PCDHGA8: variants seen among roughly 807,000 people sequenced by gnomAD.
PCDHGA8 encodes protocadherin gamma-A8.
In PCDHGA8, 45 loss-of-function variants were observed where a neutral mutation model predicts 59.2. The observed-to-expected ratio is 0.76, with a 90% CI of 0.60 to 0.98. The LOEUF is 0.98. Among genes scored for constraint, PCDHGA8 ranks in the 50% least tolerant of loss-of-function variants. The pLI, the probability that PCDHGA8 is intolerant of heterozygous loss-of-function variation, is 0.00. For synonymous variants in PCDHGA8, 531 were observed against 519.0 expected, an observed-to-expected ratio of 1.02 and a Z score of -0.32; for missense variants, 1,257 against 1,196.2, an observed-to-expected ratio of 1.05 and a Z score of -0.75.
At position 141,432,458 on chromosome 5, in the gene PCDHGA8, C is replaced by T. The variant is rs1368524835; in HGVS notation, c.2424+37221C>T. 1.9e-6 allele frequency: 3 copies of T among 1,614,136 alleles called. No individual in the cohort carries two copies. The highest frequency in any genetic ancestry group is 8.5e-7 in the Non-Finnish European group (1 of 1,180,066). ...TGCGCCCGAGATCCTGTACCCCGCC[C>T]TCCCCACGGACGGTTCCACTGGCGT... On this transcript the variant is annotated intron_variant, in intron 1 of 3. Transcript: ENST00000398604. This position sits in a 1 kb window ranked among gnomAD's most constrained non-coding sequence, Gnocchi z 6.0.
chr5:141,414,909 C>G (rs1230113440), intron 1 of PCDHGA8: 4 of 1,614,220 alleles, frequency 2.5e-6, no homozygotes, highest in Non-Finnish European at 3.4e-6. Context: ...GTTCCACAGG[C>G]GTGGAGCTGG....
chr5:141,457,301 CCAAA>C (rs1163780799), intron 1 of PCDHGA8, among the ~76,000 whole-genome samples: 1 of 152,090 alleles, frequency 6.6e-6, no homozygotes, highest in Non-Finnish European at 1.5e-5. Context: ...TTTTATTTTC[CCAAA>C]CAAAGAAACC....
chr5:141,475,248 C>T (rs1400887912), intron 1 of PCDHGA8, among the ~76,000 whole-genome samples: 2 of 152,166 alleles, frequency 1.3e-5, no homozygotes, highest in African/African-American at 4.8e-5. Context: ...AGAGTGTGCT[C>T]TACAACTGAG....
chr5:141,423,462 C>G, intron 1 of PCDHGA8: 1 of 1,613,924 alleles, frequency 6.2e-7, no homozygotes, highest in Non-Finnish European at 8.5e-7. Flanking sequence ...TAGGCGTGGA[C>G]GGGGTACAGG....
rs775284049 is a variant in PCDHGA8 at position 141,431,448 on chromosome 5, T to C, written c.2424+36211T>C. On this transcript the variant is annotated intron_variant, in intron 1 of 3. Coordinates refer to ENST00000398604, the MANE Select transcript of PCDHGA8 (RefSeq NM_032088.2). The surrounding 1 kb of genome is among the most constrained non-coding windows in gnomAD (Gnocchi z 4.8). ...CGCACAGGCACCGCGCGCATCCGCG[T>C]GATGGTTCTGGATGCGAACGACAAC... 2.5e-6 allele frequency: 4 copies of C among 1,613,706 alleles called. No individual in the cohort carries two copies. The South Asian group carries it at 4.4e-5, about 18-fold the overall frequency.
intron 1 of PCDHGA8, among the ~76,000 whole-genome samples, chr5:141,462,745 TATG>T (rs1249238113): frequency 6.6e-6 from 1 of 152,262 alleles, no homozygotes; most frequent in Non-Finnish European, 1.5e-5. Flanking sequence ...CTGTAATTCC[TATG>T]ATGATTTTCT....
At position 141,477,891 on chromosome 5, in the gene PCDHGA8, G is replaced by A. The variant is rs750359063; in HGVS notation, c.2425-16916G>A. 130 of 1,614,066 alleles carry A rather than the reference G, an allele frequency of 8.1e-5. 1 individual carries two copies. The highest frequency in any genetic ancestry group is 1.1e-4 in the Non-Finnish European group (125 of 1,180,050). On this transcript the variant is annotated intron_variant, in intron 1 of 3. Coordinates refer to ENST00000398604, the MANE Select transcript of PCDHGA8 (RefSeq NM_032088.2). The surrounding 1 kb of genome is among the most constrained non-coding windows in gnomAD (Gnocchi z 4.9). The stretch of plus-strand genomic sequence containing the variant: ...ACCTCAGCTGGCCACCTAGTGTCAC[G>A]GGTGGTAGGCTGGGACGCGGATGCA...
intron 2 of PCDHGA8, among the ~76,000 whole-genome samples, chr5:141,503,295 T>C (rs567706089): frequency 6.6e-6 from 1 of 152,070 alleles, no homozygotes; most frequent in Non-Finnish European, 1.5e-5. Context: ...TACATAGAAA[T>C]TGCTCAAGAA....
chr5:141,460,091 A>G (rs2098981847), intron 1 of PCDHGA8, among the ~76,000 whole-genome samples: 1 of 152,002 alleles, frequency 6.6e-6, no homozygotes, highest in Non-Finnish European at 1.5e-5. Flanking sequence ...AATAATAATT[A>G]TACATGTAAT....
In PCDHGA8 at chr5:141,431,140, C is replaced by G. The variant is rs145692116; in HGVS notation, c.2424+35903C>G. The G allele has an allele frequency of 6.2e-7, 1 of 1,614,208 alleles. No individual in the cohort carries two copies. The highest frequency in any genetic ancestry group is 1.7e-5 in the Admixed American group (1 of 60,038). On this transcript the variant is annotated intron_variant, in intron 1 of 3. Transcript: ENST00000398604. This position sits in a 1 kb window ranked among gnomAD's most constrained non-coding sequence, Gnocchi z 4.8. The stretch of plus-strand genomic sequence containing the variant: ...TAGAAGTAGAAGTAAGGGACATTAA[C>G]GACAATGCGCCTTACTTTCGTGAAA...
rs950164698 is a variant in PCDHGA8, at chr5:141,423,459, G to A, written c.2424+28222G>A. ...TGCCCACGTCACATTTTGTAGGCGT[G>A]GACGGGGTACAGGCTTTCCTGCAAA... On this transcript the variant is annotated intron_variant, in intron 1 of 3. Coordinates refer to ENST00000398604, the MANE Select transcript of PCDHGA8 (RefSeq NM_032088.2). 4.3e-6 allele frequency: 7 copies of A among 1,614,006 alleles called. No individual in the cohort carries two copies. In the South Asian group the frequency reaches 6.6e-5, roughly 15 times the overall value.
Position 141,431,428 on chromosome 5 carries a change from A to G in PCDHGA8, c.2424+36191A>G. The stretch of plus-strand genomic sequence containing the variant: ...CCGACGGGGGCGACCCGGTGCGCAC[A>G]GGCACCGCGCGCATCCGCGTGATGG... On this transcript the variant is annotated intron_variant, in intron 1 of 3. Transcript: ENST00000398604. This position sits in a 1 kb window ranked among gnomAD's most constrained non-coding sequence, Gnocchi z 4.8. The G allele has an allele frequency of 6.2e-7, 1 of 1,613,664 alleles. No individual in the cohort carries two copies. Among genetic ancestry groups the G allele is most frequent in the Non-Finnish European group, 8.5e-7 (1 of 1,179,998 alleles).
Position 141,486,904 on chromosome 5 carries a change from C to G in PCDHGA8, c.2425-7903C>G. On this transcript the variant is annotated intron_variant, in intron 1 of 3. Transcript: ENST00000398604. This position sits in a 1 kb window ranked among gnomAD's most constrained non-coding sequence, Gnocchi z 5.0. The stretch of plus-strand genomic sequence containing the variant: ...GGGCCCGGCCTGGTTCCTTATGTCC[C>G]CAAGCACTGCCTCCATCAGTTGGTG... 6.2e-7 allele frequency: 1 copy of G among 1,614,226 alleles called. No individual in the cohort carries two copies. The highest frequency in any genetic ancestry group is 1.1e-5 in the South Asian group (1 of 91,080).
rs773609097 is a variant in PCDHGA8 at position 141,408,614 on chromosome 5, A to C, written c.2424+13377A>C. 2.2e-5 allele frequency: 36 copies of C among 1,614,008 alleles called. No individual in the cohort carries two copies. Among genetic ancestry groups the C allele is most frequent in the Non-Finnish European group, 3.1e-5 (36 of 1,179,890 alleles). On this transcript the variant is annotated intron_variant, in intron 1 of 3. Coordinates refer to ENST00000398604, the MANE Select transcript of PCDHGA8 (RefSeq NM_032088.2). The stretch of plus-strand genomic sequence containing the variant: ...CGCCCCTCAATTTGATAAAAAGGAA[A>C]TACATTTAGAAATTTTCGAATCTGC...
At chr5:141,496,693 C>T (rs2099770546) in intron 2 of PCDHGA8, among the ~76,000 whole-genome samples, 1 of 152,164 alleles carries the variant, frequency 6.6e-6, no homozygotes, top group South Asian at 2.1e-4. Context: ...CCTTGCCAAC[C>T]TTCTCATAAG....
At chr5:141,401,016 A>G (rs910501602) in intron 1 of PCDHGA8, among the ~76,000 whole-genome samples, 2 of 152,182 alleles carry the variant, frequency 1.3e-5, no homozygotes, top group Admixed American at 6.5e-5. Context: ...TAATGGATTT[A>G]TGATTTTTTG....
intron 1 of PCDHGA8, chr5:141,441,971 G>T: frequency 3.3e-6 from 1 of 298,820 alleles, no homozygotes; most frequent in Non-Finnish European, 6.5e-6. Context: ...AGGCTCTTCA[G>T]CCTGGAATGC....
chr5:141,506,742 A>G (rs1475692668), intron 3 of PCDHGA8, among the ~76,000 whole-genome samples: 5 of 152,172 alleles, frequency 3.3e-5, no homozygotes, highest in Non-Finnish European at 7.3e-5. Context: ...AATGCCTATT[A>G]ATAAAGACTA....
intron 1 of PCDHGA8, chr5:141,400,525 G>T: frequency 1.2e-6 from 2 of 1,613,908 alleles, no homozygotes; most frequent in Non-Finnish European, 1.7e-6. Flanking sequence ...TCCTGAGTTG[G>T]TGAGTTTCAT....
Sources: gnomAD v4.1 joint callset for allele counts (sites outside exome capture counted in the v4.1 genomes callset) on GRCh38, gnomAD v4.1.1 for gene constraint, Gnocchi (gnomAD v3.1) non-coding constraint, MANE v1.5 for transcripts, NCBI Gene and HGNC (gene_info 2026-07-23, HGNC 2026-07-21) for gene names.